The following ZNF69 variants were observed in gnomAD, a reference collection of about 807,000 sequenced individuals.
ZNF69 encodes the protein zinc finger protein 69.
Under a neutral mutation model 50.9 loss-of-function variants are expected in ZNF69, and 47 were observed. That is an observed-to-expected ratio of 0.92 (90% confidence interval 0.73 to 1.18). The LOEUF (loss-of-function observed/expected upper bound fraction) is 1.18, where lower values mean the gene tolerates loss of function less well. Among genes scored for constraint, ZNF69 ranks in the 50% most tolerant of loss-of-function variants. The probability of loss-of-function intolerance (pLI) is 0.00; values close to 1 mark genes in which losing one functional copy is unlikely to be tolerated. For synonymous variants in ZNF69, 216 were observed against 223.1 expected, an observed-to-expected ratio of 0.97 and a Z score of 0.29; for missense variants, 717 against 675.1, an observed-to-expected ratio of 1.06 and a Z score of -0.69.
At chr19:11,922,919 C>G in the ZNF69 span, among the ~76,000 whole-genome samples, 7 of 151,256 alleles carry the variant, frequency 4.6e-5, no homozygotes, top group African/African-American at 1.7e-4. Context: ...CTCAAGTGAT[C>G]CTCCTGCCTC....
chr19:11,901,940 T>C (rs1972252503), intron 1 of ZNF69, among the ~76,000 whole-genome samples: 1 of 152,080 alleles, frequency 6.6e-6, no homozygotes, highest in African/African-American at 2.4e-5. Context: ...TATCCTGAGG[T>C]TTCATGCATG....
the ZNF69 span, among the ~76,000 whole-genome samples, chr19:11,931,343 A>G: frequency 6.8e-6 from 1 of 148,060 alleles, no homozygotes. Flanking sequence ...GAGGAGAGGA[A>G]GCCGGCTCTC....
At chr19:11,955,694 T>C in the ZNF69 span, among the ~76,000 whole-genome samples, 1 of 152,182 alleles carries the variant, frequency 6.6e-6, no homozygotes, top group Non-Finnish European at 1.5e-5. Flanking sequence ...AGAAAAGGAA[T>C]AAACTTCTAC....
chr19:11,949,318 C>G, the ZNF69 span: 2 of 1,611,962 alleles, frequency 1.2e-6, no homozygotes, highest in Non-Finnish European at 1.7e-6. Context: ...ATCTGCCTCA[C>G]AGCTTCGAGT....
chr19:11,937,049 A>G, the ZNF69 span, among the ~76,000 whole-genome samples: 1 of 152,220 alleles, frequency 6.6e-6, no homozygotes, highest in African/African-American at 2.4e-5. Flanking sequence ...TGGTCTATAT[A>G]TCTGTTTTGG....
chr19:11,922,830 ATT>A, the ZNF69 span, among the ~76,000 whole-genome samples: 49 of 141,946 alleles, frequency 3.5e-4, no homozygotes, highest in African/African-American at 1.2e-3. Context: ...TTTGTTTTTG[ATT>A]TTTTTTTTTT....
At chr19:11,927,630 T>C in the ZNF69 span, among the ~76,000 whole-genome samples, 2 of 152,128 alleles carry the variant, frequency 1.3e-5, no homozygotes, top group African/African-American at 4.8e-5. Context: ...CATCACAAAA[T>C]TTATTACTCT....
Position 11,887,987 on chromosome 19 carries a change from G to C in ZNF69, c.63+1G>C. The C allele has an allele frequency of 6.2e-7, 1 of 1,611,702 alleles. No individual in the cohort carries two copies. The highest frequency in any genetic ancestry group is 1.3e-5 in the African/African-American group (1 of 74,926). On this transcript the variant is annotated splice_donor_variant, in intron 1 of 3. Coordinates refer to ENST00000429654, the MANE Select transcript of ZNF69 (RefSeq NM_001364730.1). LOFTEE classifies it high-confidence loss of function. ...CGGGACATCTGAAAGCCAGGAAATG[G>C]TGCGTGTCTGGGGCCGGGTGTCGTG... is the stretch of plus-strand genomic sequence containing the variant.
At chr19:11,893,176 A>G (rs2145213009) in intron 1 of ZNF69, among the ~76,000 whole-genome samples, 1 of 152,266 alleles carries the variant, frequency 6.6e-6, no homozygotes, top group Non-Finnish European at 1.5e-5. Context: ...TCAGAGGTTA[A>G]TTGGTGGATT....
the ZNF69 span, chr19:11,925,041 A>T: frequency 6.9e-5 from 44 of 639,012 alleles, no homozygotes; most frequent in Non-Finnish European, 1.1e-4. Context: ...CTAGTATTTC[A>T]TCCAATCAGA....
chr19:11,916,396 C>T (rs2145259153), downstream of ZNF69, among the ~76,000 whole-genome samples: 1 of 152,306 alleles, frequency 6.6e-6, no homozygotes, highest in South Asian at 2.1e-4. Flanking sequence ...AGGCAGATCA[C>T]TTGAGGTCAG....
chr19:11,978,817 C>T, the ZNF69 span: 1 of 1,614,042 alleles, frequency 6.2e-7, no homozygotes. Flanking sequence ...TGGTGTCATT[C>T]CTTTCAAATA....
chr19:11,893,612 T>G (rs1977149569), intron 1 of ZNF69, among the ~76,000 whole-genome samples: 1 of 152,188 alleles, frequency 6.6e-6, no homozygotes, highest in Non-Finnish European at 1.5e-5. Flanking sequence ...TGATGTGTCT[T>G]CAGTGCACCC....
the ZNF69 span, among the ~76,000 whole-genome samples, chr19:11,962,600 A>ACC: frequency 3.4e-5 from 5 of 145,686 alleles, no homozygotes; most frequent in African/African-American, 7.6e-5. Flanking sequence ...GGCTCAAGTG[A>ACC]CCCCCCCCCA....
At chr19:11,943,525 A>T in the ZNF69 span, among the ~76,000 whole-genome samples, 1 of 151,994 alleles carries the variant, frequency 6.6e-6, no homozygotes, top group African/African-American at 2.4e-5. Flanking sequence ...TACTTCTATT[A>T]CCTAGAAAAG....
the ZNF69 span, among the ~76,000 whole-genome samples, chr19:11,966,009 GGAAGGAATGCT>G: frequency 2.0e-5 from 3 of 152,256 alleles, no homozygotes; most frequent in South Asian, 2.1e-4. Context: ...GGAGGAGGTA[GGAAGGAATGCT>G]GAAGGAAGGG....
the ZNF69 span, among the ~76,000 whole-genome samples, chr19:11,935,388 C>T: frequency 5.9e-5 from 9 of 151,554 alleles, no homozygotes; most frequent in African/African-American, 1.9e-4. Flanking sequence ...AGGCTTACAC[C>T]ACCAGGCCCA....
chr19:11,940,098 AT>A, the ZNF69 span: 1 of 151,974 alleles, frequency 6.6e-6, no homozygotes. Flanking sequence ...CACCTGGCTA[AT>A]TTTGTATTTT....
the ZNF69 span, among the ~76,000 whole-genome samples, chr19:11,958,063 G>C: frequency 6.6e-6 from 1 of 152,130 alleles, no homozygotes. Flanking sequence ...ATTGTAGTAA[G>C]GTGCTCTTGC....
Sources: allele counts gnomAD v4.1 joint callset (sites outside exome capture counted in the v4.1 genomes callset), GRCh38; gene constraint gnomAD v4.1.1; transcripts MANE v1.5; gene names NCBI Gene and HGNC (gene_info 2026-07-23, HGNC 2026-07-21).